The following ZNF385D variants were observed in gnomAD, a reference collection of about 807,000 sequenced individuals.
ZNF385D encodes the protein zinc finger protein 385D, also known as zinc finger protein 659.
Under a neutral mutation model 35.8 loss-of-function variants are expected in ZNF385D, and 15 were observed. The observed-to-expected ratio is 0.42, with a 90% CI of 0.28 to 0.64. ZNF385D has a LOEUF of 0.64. ZNF385D is among the 30% of genes least tolerant of loss of function. The pLI, the probability that ZNF385D is intolerant of heterozygous loss-of-function variation, is 0.23. For missense variants in ZNF385D, 474 were observed against 494.6 expected (o/e 0.96, Z 0.39); for synonymous variants, 212 against 186.8 (o/e 1.13, Z -1.10).
chr3:22,189,739 A>G (rs7641644), intron 2 of ZNF385D, among the ~76,000 whole-genome samples: 93,694 of 152,008 alleles, frequency 0.62, 31,074 homozygotes, highest in African/African-American at 0.87. Context: ...GTTAGGTGAT[A>G]ACAATAAGCC....
intron 2 of ZNF385D, among the ~76,000 whole-genome samples, chr3:21,609,749 G>A (rs994248849): frequency 1.1e-4 from 17 of 152,308 alleles, no homozygotes; most frequent in South Asian, 6.2e-4. Flanking sequence ...CTGAAAGAGT[G>A]TGTGTTCCTT....
intron 1 of ZNF385D, among the ~76,000 whole-genome samples, chr3:21,671,036 A>G (rs776264930): frequency 3.9e-5 from 6 of 152,004 alleles, no homozygotes; most frequent in East Asian, 1.9e-4. Context: ...TCATGCTAAC[A>G]TCGCCATTTT....
chr3:22,080,904 C>T (rs2593321), intron 3 of ZNF385D, among the ~76,000 whole-genome samples: 40,431 of 152,002 alleles, frequency 0.27, 5,431 homozygotes, highest in Middle Eastern at 0.36. Context: ...TCACCAGACA[C>T]TGACCCTGCT....
intron 2 of ZNF385D, among the ~76,000 whole-genome samples, chr3:22,206,848 T>G (rs1697190598): frequency 6.6e-6 from 1 of 151,876 alleles, no homozygotes; most frequent in Non-Finnish European, 1.5e-5. Context: ...AACCTGATAA[T>G]GCACCTTAAA....
chr3:21,598,742 T>C (rs1036999420), intron 2 of ZNF385D, among the ~76,000 whole-genome samples: 1 of 152,236 alleles, frequency 6.6e-6, no homozygotes, highest in Non-Finnish European at 1.5e-5. Context: ...TCTGAGGACT[T>C]GATATGGGAA....
At chr3:22,282,915 A>G (rs1379491926) in intron 2 of ZNF385D, among the ~76,000 whole-genome samples, 1 of 152,094 alleles carries the variant, frequency 6.6e-6, no homozygotes, top group Non-Finnish European at 1.5e-5. Flanking sequence ...AGAATTCACC[A>G]ATCAAGTATC....
intron 4 of ZNF385D, among the ~76,000 whole-genome samples, chr3:21,457,721 T>G (rs800621): frequency 6.6e-6 from 1 of 151,832 alleles, no homozygotes; most frequent in Non-Finnish European, 1.5e-5. Context: ...TAAACTAACA[T>G]GATGCTCTGA....
intron 3 of ZNF385D, among the ~76,000 whole-genome samples, chr3:22,014,393 TAAC>T (rs767877163): frequency 1.3e-5 from 2 of 152,074 alleles, no homozygotes; most frequent in African/African-American, 4.8e-5. Flanking sequence ...TCTCGAAAGA[TAAC>T]AATCCTACAA....
intron 3 of ZNF385D, among the ~76,000 whole-genome samples, chr3:21,879,615 G>T (rs548427766): frequency 6.6e-6 from 1 of 151,878 alleles, no homozygotes; most frequent in African/African-American, 2.4e-5. Context: ...TTTTCTCACC[G>T]CTGTTGTAAT....
At chr3:22,367,882 A>T (rs560016227) in intron 2 of ZNF385D, among the ~76,000 whole-genome samples, 2 of 152,184 alleles carry the variant, frequency 1.3e-5, no homozygotes, top group Non-Finnish European at 2.9e-5. Flanking sequence ...AAAATCCTCA[A>T]ATGTAACTTC....
intron 3 of ZNF385D, among the ~76,000 whole-genome samples, chr3:21,988,747 G>A (rs1319136539): frequency 4.0e-5 from 6 of 151,842 alleles, no homozygotes; most frequent in Admixed American, 1.3e-4. Flanking sequence ...CCTGGGCAAT[G>A]GCGGGCGCCC....
At chr3:21,433,987 A>T (rs1423051836) in intron 5 of ZNF385D, among the ~76,000 whole-genome samples, 1 of 152,220 alleles carries the variant, frequency 6.6e-6, no homozygotes, top group African/African-American at 2.4e-5. Flanking sequence ...CATGCATTTA[A>T]GCCCTGCGGT....
chr3:21,441,107 G>C (rs928084569), intron 4 of ZNF385D, among the ~76,000 whole-genome samples: 1 of 152,082 alleles, frequency 6.6e-6, no homozygotes, highest in African/African-American at 2.4e-5. Flanking sequence ...TGGCAGAATA[G>C]TTTATGAGAC....
chr3:21,603,866 T>G (rs747269286), intron 2 of ZNF385D, among the ~76,000 whole-genome samples: 2 of 152,118 alleles, frequency 1.3e-5, no homozygotes, highest in Non-Finnish European at 2.9e-5. Flanking sequence ...GGACTATGCT[T>G]CCCAGCACAT....
intron 3 of ZNF385D, among the ~76,000 whole-genome samples, chr3:22,064,704 C>T (rs1359504669): frequency 6.6e-6 from 1 of 152,146 alleles, no homozygotes; most frequent in Admixed American, 6.6e-5. Flanking sequence ...ACACATATGA[C>T]ATGATCTCAC....
chr3:21,556,103 T>C (rs1188345064), intron 3 of ZNF385D, among the ~76,000 whole-genome samples: 7 of 150,712 alleles, frequency 4.6e-5, no homozygotes, highest in Non-Finnish European at 1.0e-4. Flanking sequence ...TTTAAGTTCT[T>C]TGTAGATTCT....
chr3:22,081,992 T>A (rs1453820524), intron 3 of ZNF385D, among the ~76,000 whole-genome samples: 1 of 6,430 alleles, frequency 1.6e-4, no homozygotes, highest in Non-Finnish European at 4.6e-4. Flanking sequence ...GGGTTTTCTA[T>A]TTTTTTTTTT....
At position 21,465,052 on chromosome 3, in the gene ZNF385D, A is replaced by T. The variant is rs1012464629; in HGVS notation, c.440-27849T>A. Among the ~76,000 whole-genome samples, 1 of 152,194 alleles carries T rather than the reference A, an allele frequency of 6.6e-6. No homozygotes were observed. On this transcript the variant is annotated intron_variant, in intron 4 of 7. Transcript: ENST00000281523. This position sits in a 1 kb window ranked among gnomAD's most constrained non-coding sequence, Gnocchi z 4.2. ...TCTCATTAAATACTTTGTCATTTTT[A>T]CAGAAAGATTTCATATCCAGGTACT...
At chr3:21,739,267 G>A (rs896269936) in intron 1 of ZNF385D, among the ~76,000 whole-genome samples, 17 of 152,198 alleles carry the variant, frequency 1.1e-4, no homozygotes, top group African/African-American at 3.9e-4. Flanking sequence ...TTACGAATCC[G>A]ATGTTCTTGT....
Sources: allele counts gnomAD v4.1 joint callset (sites outside exome capture counted in the v4.1 genomes callset), GRCh38; gene constraint gnomAD v4.1.1; non-coding constraint Gnocchi (gnomAD v3.1); transcripts MANE v1.5; gene names NCBI Gene and HGNC (gene_info 2026-07-23, HGNC 2026-07-21).